CWH43: variants seen among roughly 807,000 people sequenced by gnomAD.
CWH43 encodes cell wall biogenesis 43 C-terminal homolog.
CWH43 carries 91 observed loss-of-function variants against 85.7 expected under a neutral mutation model. That is an observed-to-expected ratio of 1.06 (90% CI 0.90 to 1.26). The LOEUF (loss-of-function observed/expected upper bound fraction) is 1.26, where lower values mean the gene tolerates loss of function less well. CWH43 is among the 50% of genes most tolerant of loss of function. The pLI is 0.00. For missense variants in CWH43, 869 were observed against 839.2 expected, an observed-to-expected ratio of 1.04 and a Z score of -0.44; for synonymous variants, 323 against 293.6, an observed-to-expected ratio of 1.10 and a Z score of -1.02.
chr4:49,054,412 T>C (rs1784891341), intron 15 of CWH43, among the ~76,000 whole-genome samples: 1 of 152,164 alleles, frequency 6.6e-6, no homozygotes, highest in African/African-American at 2.4e-5. Context: ...TACTACAGGT[T>C]TGTAGTGTAT....
At chr4:49,017,992 T>A (rs796240142) in intron 9 of CWH43, among the ~76,000 whole-genome samples, 1 of 151,962 alleles carries the variant, frequency 6.6e-6, no homozygotes, top group Non-Finnish European at 1.5e-5. Flanking sequence ...TGTGCCACCA[T>A]GCCCGGCTAA....
intron 13 of CWH43, among the ~76,000 whole-genome samples, chr4:49,038,896 A>G (rs1169121646): frequency 6.6e-6 from 1 of 151,270 alleles, no homozygotes; most frequent in Non-Finnish European, 1.5e-5. Flanking sequence ...GTCTCTACTA[A>G]AAATACAAAA....
At chr4:48,991,021 G>C (rs563703114) in intron 2 of CWH43, among the ~76,000 whole-genome samples, 6 of 152,280 alleles carry the variant, frequency 3.9e-5, no homozygotes, top group African/African-American at 1.4e-4. Context: ...GGGAAAGAAG[G>C]CAGTCACAAA....
intron 13 of CWH43, among the ~76,000 whole-genome samples, chr4:49,040,212 G>T (rs954382541): frequency 3.3e-5 from 5 of 152,180 alleles, no homozygotes; most frequent in African/African-American, 1.2e-4. Context: ...ACATACGTGT[G>T]CATGTGTCTT....
chr4:49,020,384 T>TACACACACACACACAC (rs35489918), intron 9 of CWH43, among the ~76,000 whole-genome samples: 40 of 120,154 alleles, frequency 3.3e-4, no homozygotes, highest in Admixed American at 3.9e-4. Context: ...AGTATTCCAT[T>TACACACACACACACAC]ACACACACAC....
chr4:49,038,856 A>C (rs1438941626), intron 13 of CWH43, among the ~76,000 whole-genome samples: 1 of 151,888 alleles, frequency 6.6e-6, no homozygotes, highest in East Asian at 1.9e-4. Flanking sequence ...CAGGAGATCG[A>C]GACCATCCTG....
intron 15 of CWH43, among the ~76,000 whole-genome samples, chr4:49,061,056 G>A (rs1785143711): frequency 6.6e-6 from 1 of 151,930 alleles, no homozygotes; most frequent in Non-Finnish European, 1.5e-5. Flanking sequence ...CCAACATTTA[G>A]CTAATCGATT....
At chr4:49,058,858 T>C (rs1785051247) in intron 15 of CWH43, among the ~76,000 whole-genome samples, 1 of 152,206 alleles carries the variant, frequency 6.6e-6, no homozygotes, top group South Asian at 2.1e-4. Context: ...TTGAATGTTT[T>C]TTCTCTTTGC....
At position 49,059,634 on chromosome 4, in the gene CWH43, G is replaced by A. The variant is rs1785076407; in HGVS notation, c.2022-2178G>A. On this transcript the variant is annotated intron_variant, in intron 15 of 15. Coordinates refer to ENST00000226432, the MANE Select transcript of CWH43 (RefSeq NM_025087.3). ...CAGTTGGCTGGTCCAAAGATTCTCA[G>A]TGGGCTATCTAGCTGGGCTCATGGG... Among the ~76,000 whole-genome samples, 3 of 152,322 alleles carry A rather than the reference G, an allele frequency of 2.0e-5. No individual in the cohort carries two copies. The South Asian group carries it at 6.2e-4, about 32-fold the overall frequency.
At chr4:49,046,719 T>G (rs1484932924) in intron 14 of CWH43, among the ~76,000 whole-genome samples, 1 of 152,050 alleles carries the variant, frequency 6.6e-6, no homozygotes, top group Non-Finnish European at 1.5e-5. Flanking sequence ...TGCTGGATGT[T>G]GCGGGGTAAG....
intron 8 of CWH43, among the ~76,000 whole-genome samples, chr4:49,009,983 G>T (rs1308749567): frequency 6.6e-6 from 1 of 152,022 alleles, no homozygotes. Flanking sequence ...GGATGATGCT[G>T]GTCTCATAAA....
chr4:49,022,410 T>C (rs1234539224), intron 9 of CWH43, among the ~76,000 whole-genome samples: 3 of 152,204 alleles, frequency 2.0e-5, no homozygotes, highest in Non-Finnish European at 2.9e-5. Context: ...CACTTGATCA[T>C]GGTGGATTAT....
At chr4:49,041,082 T>A (rs1048494978) in intron 13 of CWH43, among the ~76,000 whole-genome samples, 1 of 152,208 alleles carries the variant, frequency 6.6e-6, no homozygotes, top group African/African-American at 2.4e-5. Context: ...CTGAGGGCTC[T>A]GTTCTCTTCC....
At chr4:49,040,315 C>G (rs894221884) in intron 13 of CWH43, among the ~76,000 whole-genome samples, 1 of 152,174 alleles carries the variant, frequency 6.6e-6, no homozygotes, top group Non-Finnish European at 1.5e-5. Context: ...CCTGAGGAAT[C>G]GCCACACTGA....
chr4:49,010,668 A>G (rs1165496344), intron 8 of CWH43, among the ~76,000 whole-genome samples: 2 of 152,148 alleles, frequency 1.3e-5, no homozygotes, highest in Non-Finnish European at 2.9e-5. Flanking sequence ...AGATTCTTGT[A>G]CATTGTGTCT....
chr4:48,993,408 G>A (rs991345937), intron 4 of CWH43, among the ~76,000 whole-genome samples: 1 of 151,962 alleles, frequency 6.6e-6, no homozygotes, highest in Non-Finnish European at 1.5e-5. Flanking sequence ...CATAGCTCTC[G>A]GCTCTGCCCC....
chr4:49,005,301 A>C (rs921966484), intron 7 of CWH43, among the ~76,000 whole-genome samples: 2 of 152,130 alleles, frequency 1.3e-5, no homozygotes, highest in Non-Finnish European at 2.9e-5. Flanking sequence ...AGTATCCATC[A>C]CCCTGACAGG....
chr4:49,043,454 T>A (rs1784529790), intron 13 of CWH43, among the ~76,000 whole-genome samples: 1 of 152,204 alleles, frequency 6.6e-6, no homozygotes, highest in Non-Finnish European at 1.5e-5. Context: ...TTTGATTTGA[T>A]TTTCATCTAA....
intron 6 of CWH43, among the ~76,000 whole-genome samples, chr4:49,002,582 T>C (rs1206699855): frequency 6.6e-6 from 1 of 152,202 alleles, no homozygotes; most frequent in Non-Finnish European, 1.5e-5. Flanking sequence ...GTTCTGTATT[T>C]TTAAAATTTC....
Sources: gnomAD v4.1 joint callset for allele counts (sites outside exome capture counted in the v4.1 genomes callset) on GRCh38, gnomAD v4.1.1 for gene constraint, MANE v1.5 for transcripts, NCBI Gene and HGNC (gene_info 2026-07-23, HGNC 2026-07-21) for gene names.